The following FMN2 variants were observed in gnomAD, a reference collection of about 807,000 sequenced individuals.
The protein encoded by FMN2 is formin-2.
In FMN2, 51 loss-of-function variants were observed where a neutral mutation model predicts 142.3. The observed-to-expected ratio is 0.36, with a 90% CI of 0.29 to 0.45. The LOEUF (loss-of-function observed/expected upper bound fraction) is 0.45, where lower values mean the gene tolerates loss of function less well. Ranked by LOEUF, FMN2 falls within the 20% of genes least tolerant of loss-of-function variation. FMN2 has a pLI of 1.00. For missense variants in FMN2, 1,936 were observed against 2,122.8 expected (o/e 0.91, Z 1.73); for synonymous variants, 882 against 869.8 (o/e 1.01, Z -0.25).
intron 4 of FMN2, among the ~76,000 whole-genome samples, chr1:240,201,051 G>C (rs1666104568): frequency 6.6e-6 from 1 of 152,044 alleles, no homozygotes; most frequent in Admixed American, 6.5e-5. Context: ...AACCTTTGAA[G>C]CTTATGGGGT....
At chr1:240,392,425 G>A (rs1292113705) in intron 14 of FMN2, 86 bp from the exon 15 acceptor site, 1 of 1,026,586 alleles carries the variant, frequency 9.7e-7, no homozygotes, top group African/African-American at 1.6e-5. Flanking sequence ...ATTAAAATAA[G>A]TTACGTTATG....
At chr1:240,146,826 G>A (rs1663503355) in intron 2 of FMN2, among the ~76,000 whole-genome samples, 1 of 152,080 alleles carries the variant, frequency 6.6e-6, no homozygotes, top group African/African-American at 2.4e-5. Context: ...CACCAATCTA[G>A]TATCATTATT....
chr1:240,436,487 C>T (rs74149103), intron 15 of FMN2, among the ~76,000 whole-genome samples: 16,022 of 151,974 alleles, frequency 0.11, 2,000 homozygotes, highest in African/African-American at 0.31. Context: ...TCTTTTATCT[C>T]CTGAGCAAAC....
Position 240,208,501 on chromosome 1 carries a change from C to G in FMN2, c.3689C>G (p.Thr1230Arg). 3.1e-6 allele frequency: 5 copies of G among 1,610,438 alleles called. No individual in the cohort carries two copies. Among genetic ancestry groups the G allele is most frequent in the Non-Finnish European group, 4.2e-6 (5 of 1,178,664 alleles). ...GCTCCCCCACTCCCTCCACCTGGGA[C>G]AGGAATCCCACCGCCCCCTCTGCTT... ...APAPPLPPPG[T>R]GIPPPPLLPV... Residue 1230 changes from threonine to arginine, a missense_variant, in exon 5 of 18, where the codon ACA (threonine) becomes AGA (arginine). Coordinates refer to ENST00000319653, the MANE Select transcript of FMN2 (RefSeq NM_020066.5).
intron 2 of FMN2, among the ~76,000 whole-genome samples, chr1:240,151,563 C>G (rs1053559947): frequency 6.6e-6 from 1 of 152,024 alleles, no homozygotes; most frequent in Admixed American, 6.6e-5. Context: ...TTCTGAGAGA[C>G]AGGAGTCTTA....
chr1:240,447,959 T>G (rs1675883621), intron 16 of FMN2, among the ~76,000 whole-genome samples: 1 of 152,106 alleles, frequency 6.6e-6, no homozygotes, highest in South Asian at 2.1e-4. Context: ...AGCATGAGAG[T>G]GGACCACAGT....
At chr1:240,261,966 G>T (rs947521428) in intron 7 of FMN2, among the ~76,000 whole-genome samples, 3 of 152,068 alleles carry the variant, frequency 2.0e-5, no homozygotes, top group Non-Finnish European at 2.9e-5. Context: ...GGGTCTGGGG[G>T]CCCTGTGGAT....
intron 7 of FMN2, among the ~76,000 whole-genome samples, chr1:240,290,268 G>T (rs1669734275): frequency 6.6e-6 from 1 of 152,090 alleles, no homozygotes; most frequent in Non-Finnish European, 1.5e-5. Context: ...TCCAAAACAG[G>T]CCATTTCATT....
chr1:240,338,656 C>T (rs1398954998), intron 13 of FMN2, among the ~76,000 whole-genome samples: 1 of 152,128 alleles, frequency 6.6e-6, no homozygotes, highest in East Asian at 1.9e-4. Context: ...GTATATACTG[C>T]CCACCTGTTC....
At chr1:240,364,824 G>GATGA (rs1445630612) in intron 14 of FMN2, among the ~76,000 whole-genome samples, 2 of 152,170 alleles carry the variant, frequency 1.3e-5, no homozygotes, top group Admixed American at 1.3e-4. Context: ...TTACTTCACA[G>GATGA]ATGAATGAAT....
intron 13 of FMN2, among the ~76,000 whole-genome samples, chr1:240,353,949 T>C (rs1283964131): frequency 6.6e-6 from 1 of 152,020 alleles, no homozygotes; most frequent in East Asian, 1.9e-4. Flanking sequence ...CATCTGGAGA[T>C]TAACATTTGC....
In FMN2 at chr1:240,355,951, C is replaced by CAAAAAAA. The variant is rs58002724; in HGVS notation, c.4858+72_4858+78dup. ...GTGTTATGTTTTTCTCCCCTTTCAG[C>CAAAAAAA]AAAAAAAAAAAAAAAAAAAAAAAAA... On this transcript the variant is annotated intron_variant, in intron 14 of 17. Transcript: ENST00000319653. The CAAAAAAA allele has an allele frequency of 5.4e-4, 136 of 252,720 alleles. 4 individuals carry two copies. The highest frequency in any genetic ancestry group is 8.5e-4 in the African/African-American group (22 of 25,932). The allele number at this position is 252,720 out of a possible 1,614,324, so 15.7% of individuals were successfully genotyped here. A position where few individuals can be genotyped will look rare whatever the true frequency, so the allele number is the denominator to read the frequency against.
chr1:240,409,819 CA>C (rs1480858254), intron 15 of FMN2, among the ~76,000 whole-genome samples: 1 of 152,070 alleles, frequency 6.6e-6, no homozygotes, highest in Non-Finnish European at 1.5e-5. Context: ...CTATAGTCAG[CA>C]AATATTACAT....
intron 7 of FMN2, among the ~76,000 whole-genome samples, chr1:240,277,541 T>A (rs1669259646): frequency 7.5e-6 from 1 of 134,104 alleles, no homozygotes. Flanking sequence ...TTTTTTTTTT[T>A]TTTTTTTTTG....
At chr1:240,095,386 T>TACACACACAC (rs59692947) in intron 1 of FMN2, among the ~76,000 whole-genome samples, 5,579 of 149,824 alleles carry the variant, frequency 0.037, 285 homozygotes, top group African/African-American at 0.11. Context: ...TATATGTGCA[T>TACACACACAC]ACACACACAC....
chr1:240,396,263 C>T (rs139063172), intron 15 of FMN2, among the ~76,000 whole-genome samples: 59 of 151,214 alleles, frequency 3.9e-4, no homozygotes, highest in African/African-American at 1.3e-3. Flanking sequence ...CACTTTATTG[C>T]AGTGGTCTGG....
intron 7 of FMN2, among the ~76,000 whole-genome samples, chr1:240,285,999 A>T (rs1669578100): frequency 6.6e-6 from 1 of 152,078 alleles, no homozygotes; most frequent in Non-Finnish European, 1.5e-5. Context: ...CTAAAAGGTG[A>T]TGAGAAGCCC....
chr1:240,416,489 C>T (rs988263664), intron 15 of FMN2, among the ~76,000 whole-genome samples: 1 of 152,098 alleles, frequency 6.6e-6, no homozygotes, highest in Non-Finnish European at 1.5e-5. Flanking sequence ...CGGCTAGTCT[C>T]AAACTCCTGG....
At chr1:240,316,683 T>A (rs903010253) in intron 8 of FMN2, among the ~76,000 whole-genome samples, 1 of 152,140 alleles carries the variant, frequency 6.6e-6, no homozygotes, top group Non-Finnish European at 1.5e-5. Context: ...GATGAACAGA[T>A]TTGGGGACAA....
Sources: allele counts gnomAD v4.1 joint callset (sites outside exome capture counted in the v4.1 genomes callset), GRCh38; gene constraint gnomAD v4.1.1; transcripts MANE v1.5; gene names NCBI Gene and HGNC (gene_info 2026-07-23, HGNC 2026-07-21).